The following RAI14 variants were observed in gnomAD, a reference collection of about 807,000 sequenced individuals.
RAI14 encodes ankycorbin.
A neutral mutation model predicts 115.4 loss-of-function variants in RAI14; 45 were observed. The observed-to-expected ratio is 0.39, with a 90% CI of 0.31 to 0.50. The LOEUF (loss-of-function observed/expected upper bound fraction) is 0.50. Ranked by LOEUF, RAI14 falls within the 20% of genes least tolerant of loss-of-function variation. The pLI is 0.85. For missense variants in RAI14, 939 were observed against 1,131.2 expected, an observed-to-expected ratio of 0.83 and a Z score of 2.44; for synonymous variants, 371 against 415.4, an observed-to-expected ratio of 0.89 and a Z score of 1.30.
At chr5:34,709,482 C>G (rs1020564773) in intron 2 of RAI14, among the ~76,000 whole-genome samples, 4 of 152,144 alleles carry the variant, frequency 2.6e-5, no homozygotes, top group African/African-American at 4.8e-5. Flanking sequence ...TTAAAGTAAA[C>G]TTTCAAAAGT....
chr5:34,826,269 T>C (rs1757435678), intron 15 of RAI14, 61 bp from the exon 16 acceptor site: 2 of 1,505,640 alleles, frequency 1.3e-6, no homozygotes, highest in Non-Finnish European at 1.8e-6. Flanking sequence ...CTTACAAATA[T>C]ATGAAATTTT....
chr5:34,745,303 A>G (rs1403079317), intron 2 of RAI14, among the ~76,000 whole-genome samples: 1 of 152,148 alleles, frequency 6.6e-6, no homozygotes, highest in East Asian at 1.9e-4. Context: ...TTTCTGTACA[A>G]TCTCATTGCT....
chr5:34,693,124 AC>A (rs1738837136), intron 2 of RAI14, among the ~76,000 whole-genome samples: 1 of 152,122 alleles, frequency 6.6e-6, no homozygotes, highest in African/African-American at 2.4e-5. Context: ...CGCTATAATG[AC>A]CTCATTTTAG....
chr5:34,669,434 AG>A (rs1393805673), intron 1 of RAI14, among the ~76,000 whole-genome samples: 1 of 152,220 alleles, frequency 6.6e-6, no homozygotes, highest in African/African-American at 2.4e-5. Context: ...CCTACAACAA[AG>A]GGTATTTGAT....
chr5:34,814,781 A>G, intron 12 of RAI14, 112 bp downstream of exon 12: 1 of 879,408 alleles, frequency 1.1e-6, no homozygotes, highest in South Asian at 1.6e-5. Context: ...TCATTGGTTC[A>G]CAACCTTTTC....
rs1389794329 is a variant in RAI14, at chr5:34,827,737, ATACAG to A, written c.2799+1261_2799+1265del. Among the ~76,000 whole-genome samples the A allele has an allele frequency of 1.3e-5, 2 of 152,236 alleles. No individual in the cohort carries two copies. Among genetic ancestry groups the A allele is most frequent in the African/African-American group, 4.8e-5 (2 of 41,456 alleles). ...CTTGTAGATAAAGTGCTATTGGTTT[ATACAG>A]TAATTCTTATAATTACGCAACATGT... is the stretch of plus-strand genomic sequence containing the variant. On this transcript the variant is annotated intron_variant, in intron 16 of 17. Transcript: ENST00000265109. This position sits in a 1 kb window ranked among gnomAD's most constrained non-coding sequence, Gnocchi z 4.2.
At position 34,832,280 on chromosome 5, in the gene RAI14, TA is replaced by T. The variant is rs1758070540; in HGVS notation, c.*1518del. ...AATGACAGCAAAGCAAAAATGGCTT[TA>T]AAGCTTGGTGTTACTTTTCTTAAGT... On this transcript the variant is annotated 3_prime_UTR_variant, in exon 18 of 18. Transcript: ENST00000265109. The T allele has an allele frequency of 6.5e-6, 1 of 152,688 alleles. No homozygotes were observed. Among genetic ancestry groups the T allele is most frequent in the Non-Finnish European group, 1.5e-5 (1 of 68,052 alleles). 9.5% of individuals were successfully genotyped at this position (152,688 alleles called of 1,614,324 possible).
At chr5:34,723,833 TTGA>T (rs1743111754) in intron 2 of RAI14, among the ~76,000 whole-genome samples, 1 of 152,202 alleles carries the variant, frequency 6.6e-6, no homozygotes, top group Admixed American at 6.5e-5. Context: ...TAAATTTCTG[TTGA>T]TGATATAAGC....
rs773859839 is a variant in RAI14 at position 34,795,907 on chromosome 5, C to T, written c.168-32C>T. The T allele has an allele frequency of 1.9e-6, 3 of 1,568,262 alleles. No individual in the cohort carries two copies. The South Asian group carries it at 3.3e-5, about 17-fold the overall frequency. ...GAGATGAACATTAAAGAGTAGAAATCTCAAGGAGATTGTGTTTACTTCTCT... is the reference window on the plus strand; with the variant it reads ...GAGATGAACATTAAAGAGTAGAAATTTCAAGGAGATTGTGTTTACTTCTCT... On this transcript the variant is annotated intron_variant, in intron 3 of 17. Transcript: ENST00000265109.
chr5:34,764,159 A>T (rs1047625056), intron 3 of RAI14, among the ~76,000 whole-genome samples: 15 of 152,152 alleles, frequency 9.9e-5, no homozygotes, highest in Non-Finnish European at 1.3e-4. Context: ...CAATCACCCT[A>T]AATTAAAACA....
At chr5:34,717,088 T>C in intron 2 of RAI14, among the ~76,000 whole-genome samples, 1 of 152,232 alleles carries the variant, frequency 6.6e-6, no homozygotes, top group Non-Finnish European at 1.5e-5. Context: ...TGTGCGCATG[T>C]GTGTGTGTTT....
intron 3 of RAI14, among the ~76,000 whole-genome samples, chr5:34,774,548 G>A (rs577374690): frequency 6.6e-6 from 1 of 151,958 alleles, no homozygotes; most frequent in South Asian, 2.1e-4. Context: ...TAGAAATAAA[G>A]TTAACCAAAG....
chr5:34,687,063 A>C (rs1054828091), intron 2 of RAI14, 108 bp downstream of exon 2: 21 of 1,192,666 alleles, frequency 1.8e-5, no homozygotes, highest in Non-Finnish European at 2.4e-5. Flanking sequence ...AACTACAGAC[A>C]CTCAAGTGCT....
At chr5:34,815,826 G>A (rs930437266) in intron 12 of RAI14, among the ~76,000 whole-genome samples, 3 of 152,192 alleles carry the variant, frequency 2.0e-5, no homozygotes, top group African/African-American at 7.2e-5. Flanking sequence ...AATGATAAGT[G>A]TGTGAGATTA....
intron 2 of RAI14, among the ~76,000 whole-genome samples, chr5:34,702,259 C>T (rs1740171379): frequency 6.6e-6 from 1 of 152,216 alleles, no homozygotes; most frequent in Non-Finnish European, 1.5e-5. Context: ...TCAACCAACT[C>T]TCAAGACAGA....
chr5:34,786,115 A>T lies in RAI14; in HGVS notation c.168-9824A>T, dbSNP rs1351746639. Among the ~76,000 whole-genome samples the T allele has an allele frequency of 2.0e-5, 3 of 152,244 alleles. No homozygotes were observed. The East Asian group carries it at 5.8e-4, about 29-fold the overall frequency. On this transcript the variant is annotated intron_variant, in intron 3 of 17. Transcript: ENST00000265109. ...AAGGGGTGAGGGAACGGCCTAAGCC[A>T]GAAATGCCCCGGTTTGGAACGGGGC... is the stretch of plus-strand genomic sequence containing the variant.
intron 12 of RAI14, among the ~76,000 whole-genome samples, chr5:34,817,785 G>C (rs1200425039): frequency 6.6e-6 from 1 of 152,030 alleles, no homozygotes; most frequent in Admixed American, 6.6e-5. Flanking sequence ...TAAGAAATGT[G>C]AAAAAAAGAG....
At chr5:34,829,693 T>C in intron 16 of RAI14, 39 bp from the exon 17 acceptor site, 1 of 1,550,868 alleles carries the variant, frequency 6.4e-7, no homozygotes. Context: ...TTTAAAGATC[T>C]CTTAAGCTCA....
chr5:34,796,314 C>T (rs958604541), intron 4 of RAI14, among the ~76,000 whole-genome samples: 5 of 151,558 alleles, frequency 3.3e-5, no homozygotes, highest in African/African-American at 1.2e-4. Context: ...ATGAGAATCA[C>T]TGGAATCCTG....
Sources: allele counts gnomAD v4.1 joint callset (sites outside exome capture counted in the v4.1 genomes callset), GRCh38; gene constraint gnomAD v4.1.1; non-coding constraint Gnocchi (gnomAD v3.1); transcripts MANE v1.5; gene names NCBI Gene and HGNC (gene_info 2026-07-23, HGNC 2026-07-21).